ABL1: variants seen among roughly 807,000 people sequenced by gnomAD.
ABL1 encodes the protein tyrosine-protein kinase ABL1.
ABL1 carries 11 observed loss-of-function variants against 94.7 expected under a neutral mutation model. The observed-to-expected ratio is 0.12, with a 90% CI of 0.07 to 0.19. The LOEUF (loss-of-function observed/expected upper bound fraction) is 0.19. Among genes scored for constraint, ABL1 ranks in the 10% least tolerant of loss-of-function variants. ABL1 has a pLI of 1.00. For synonymous variants in ABL1, 656 were observed against 622.4 expected (o/e 1.05, Z -0.80); for missense variants, 1,082 against 1,489.4 (o/e 0.73, Z 4.50).
intron 1 of ABL1, among the ~76,000 whole-genome samples, chr9:130,794,660 G>A (rs75764711): frequency 0.013 from 2,002 of 152,302 alleles, 15 homozygotes; most frequent in Non-Finnish European, 0.021. Flanking sequence ...ATTGGGAAAT[G>A]CTTTCATAAC....
chr9:130,795,141 G>A (rs1020200874), intron 1 of ABL1, among the ~76,000 whole-genome samples: 1 of 152,164 alleles, frequency 6.6e-6, no homozygotes, highest in Non-Finnish European at 1.5e-5. Context: ...TTTGCATGCA[G>A]TTGGGCCTTT....
exon 1 of ABL1, chr9:130,714,218 G>A: frequency 1.7e-6 from 2 of 1,197,226 alleles, no homozygotes; most frequent in South Asian, 2.1e-5. Context: ...TGGAGATGCA[G>A]CGAATGTGAA....
intron 1 of ABL1, among the ~76,000 whole-genome samples, chr9:130,725,843 T>TTGG (rs1564269539): frequency 1.5e-5 from 2 of 130,488 alleles, no homozygotes; most frequent in East Asian, 2.2e-4. Context: ...TTTTTTTTTT[T>TTGG]TTTTTTTTGA....
chr9:130,845,804 C>T (rs1366228904), intron 1 of ABL1, among the ~76,000 whole-genome samples: 1 of 152,040 alleles, frequency 6.6e-6, no homozygotes, highest in East Asian at 1.9e-4. Flanking sequence ...CCTTTGCAAT[C>T]CTCTGTAAAT....
chr9:130,801,618 A>G (rs1830055576), intron 1 of ABL1, among the ~76,000 whole-genome samples: 1 of 152,364 alleles, frequency 6.6e-6, no homozygotes, highest in South Asian at 2.1e-4. Flanking sequence ...ATAGAATTAT[A>G]ATCCGAGAGT....
At chr9:130,876,077 C>T (rs1267671451) in intron 7 of ABL1, among the ~76,000 whole-genome samples, 3 of 152,116 alleles carry the variant, frequency 2.0e-5, no homozygotes, top group East Asian at 1.9e-4. Flanking sequence ...CCACCCACCT[C>T]GGCCTCCCAA....
At chr9:130,725,841 T>TTTTTG (rs1831577337) in intron 1 of ABL1, among the ~76,000 whole-genome samples, 2 of 133,712 alleles carry the variant, frequency 1.5e-5, no homozygotes, top group African/African-American at 5.4e-5. Flanking sequence ...TTTTTTTTTT[T>TTTTTG]TTTTTTTTTT....
chr9:130,810,164 G>A (rs916570471), intron 1 of ABL1, among the ~76,000 whole-genome samples: 1 of 152,184 alleles, frequency 6.6e-6, no homozygotes, highest in Admixed American at 6.6e-5. Context: ...CATGTGTTCA[G>A]TAAGCTAAAG....
chr9:130,800,747 T>C lies in ABL1; in HGVS notation c.137-53317T>C, dbSNP rs112661196. ...TACATTTCCTCTTTTTCTTGGTGAG[T>C]AATATTGCATTATATGAATATCTCA... On this transcript the variant is annotated intron_variant, in intron 1 of 10. Transcript: ENST00000372348. Among the ~76,000 whole-genome samples, 380 of 152,314 alleles carry C rather than the reference T, an allele frequency of 2.5e-3. 3 individuals carry two copies. The highest frequency in any genetic ancestry group is 8.5e-3 in the African/African-American group (355 of 41,576).
chr9:130,878,700 T>TTCCCGGGTAAGG, intron 8 of ABL1, 133 bp downstream of exon 8: 1 of 1,095,528 alleles, frequency 9.1e-7, no homozygotes, highest in Non-Finnish European at 1.3e-6. Flanking sequence ...ATGCAGCTAA[T>TTCCCGGGTAAGG]GTAGCCATTT....
chr9:130,804,628 C>A (rs1830102332), intron 1 of ABL1, among the ~76,000 whole-genome samples: 1 of 152,116 alleles, frequency 6.6e-6, no homozygotes. Flanking sequence ...AAAAAGATGT[C>A]TTTTATTACA....
intron 1 of ABL1, among the ~76,000 whole-genome samples, chr9:130,845,587 A>G (rs1830755285): frequency 6.6e-6 from 1 of 152,040 alleles, no homozygotes; most frequent in Non-Finnish European, 1.5e-5. Flanking sequence ...GAGCCACCAC[A>G]CCTGGCCAGA....
chr9:130,872,552 T>C lies in ABL1; in HGVS notation c.908-308T>C, dbSNP rs747325155. Among the ~76,000 whole-genome samples, 1 of 152,212 alleles carries C rather than the reference T, an allele frequency of 6.6e-6. No homozygotes were observed. Among genetic ancestry groups the C allele is most frequent in the Non-Finnish European group, 1.5e-5 (1 of 68,038 alleles). On this transcript the variant is annotated intron_variant, in intron 5 of 10. Coordinates refer to ENST00000318560, the MANE Select transcript of ABL1 (RefSeq NM_005157.6). The surrounding 1 kb of genome is among the most constrained non-coding windows in gnomAD (Gnocchi z 5.0). ...TAAGTAGACACATAACCATCAGACC[T>C]AACCATTCAGGGGTAAACTGACGGT...
At chr9:130,873,567 C>T (rs1231953161) in intron 6 of ABL1, among the ~76,000 whole-genome samples, 1 of 152,214 alleles carries the variant, frequency 6.6e-6, no homozygotes, top group African/African-American at 2.4e-5. Context: ...TTGCTGTCCT[C>T]TGATTCAGGG....
intron 1 of ABL1, among the ~76,000 whole-genome samples, chr9:130,792,802 G>T (rs150762702): frequency 6.6e-6 from 1 of 152,158 alleles, no homozygotes; most frequent in Non-Finnish European, 1.5e-5. Context: ...TAATCACTAA[G>T]TTAGAAAGTG....
intron 1 of ABL1, among the ~76,000 whole-genome samples, chr9:130,780,997 C>T (rs1829748012): frequency 6.6e-6 from 1 of 152,184 alleles, no homozygotes; most frequent in Non-Finnish European, 1.5e-5. Context: ...GCTCTGAAGC[C>T]AGCCTTTGCT....
intron 8 of ABL1, 125 bp from the exon 9 acceptor site, chr9:130,879,943 T>G: frequency 1.1e-6 from 1 of 874,640 alleles, no homozygotes; most frequent in East Asian, 2.5e-5. Flanking sequence ...TTTGACTTGT[T>G]GCAGCAAAAG....
At chr9:130,852,351 C>T (rs1322880634) in intron 1 of ABL1, among the ~76,000 whole-genome samples, 1 of 151,968 alleles carries the variant, frequency 6.6e-6, no homozygotes, top group African/African-American at 2.4e-5. Context: ...TACAGGCGCC[C>T]GCCACCATGC....
Position 130,835,716 on chromosome 9 carries a change from G to C in ABL1, c.79+191G>C, listed in dbSNP as rs964686253. Among the ~76,000 whole-genome samples, 1 of 151,358 alleles carries C rather than the reference G, an allele frequency of 6.6e-6. No homozygotes were observed. Among genetic ancestry groups the C allele is most frequent in the South Asian group, 2.1e-4 (1 of 4,772 alleles). ...ATTCTGTCTCTCTTTCTTTCTCTCTGTGTCTGTCTCTTTTCTCTTCTCTTG... is the reference window on the plus strand; with the variant it reads ...ATTCTGTCTCTCTTTCTTTCTCTCTCTGTCTGTCTCTTTTCTCTTCTCTTG... On this transcript the variant is annotated intron_variant, in intron 1 of 10. Coordinates refer to ENST00000318560, the MANE Select transcript of ABL1 (RefSeq NM_005157.6). This position sits in a 1 kb window ranked among gnomAD's most constrained non-coding sequence, Gnocchi z 4.6.
Sources: gnomAD v4.1 joint callset for allele counts (sites outside exome capture counted in the v4.1 genomes callset) on GRCh38, gnomAD v4.1.1 for gene constraint, Gnocchi (gnomAD v3.1) non-coding constraint, MANE v1.5 for transcripts, NCBI Gene and HGNC (gene_info 2026-07-23, HGNC 2026-07-21) for gene names.